The following OTOGL variants were observed in gnomAD, a reference collection of about 807,000 sequenced individuals.
OTOGL encodes the protein otogelin-like protein.
Under a neutral mutation model 318.5 loss-of-function variants are expected in OTOGL, and 285 were observed. The ratio of observed to expected loss-of-function variants is 0.89; its 90% CI spans 0.81 to 0.99. The LOEUF is 0.99. Ranked by LOEUF, OTOGL falls within the 50% of genes least tolerant of loss-of-function variation. The probability of loss-of-function intolerance (pLI) is 0.00; values close to 1 mark genes in which losing one functional copy is unlikely to be tolerated. For synonymous variants in OTOGL, 987 were observed against 936.5 expected, an observed-to-expected ratio of 1.05 and a Z score of -0.99; for missense variants, 2,899 against 2,845.6, an observed-to-expected ratio of 1.02 and a Z score of -0.43.
Position 80,255,496 on chromosome 12 carries a change from T to C in OTOGL, c.1587+311T>C, listed in dbSNP as rs571963320. Among the ~76,000 whole-genome samples, 8 of 152,162 alleles carry C rather than the reference T, an allele frequency of 5.3e-5. No homozygotes were observed. The South Asian group carries it at 1.7e-3, about 31-fold the overall frequency. On this transcript the variant is annotated intron_variant, in intron 16 of 58. Transcript: ENST00000547103. ...TTTAAAAAGTAGTACGTATAGTTTTTTGTACATATAGTTTTGTACGTATAG... is the reference window on the plus strand; with the variant it reads ...TTTAAAAAGTAGTACGTATAGTTTTCTGTACATATAGTTTTGTACGTATAG...
chr12:80,147,790 A>G (rs1872500996), intron 1 of OTOGL, among the ~76,000 whole-genome samples: 1 of 152,112 alleles, frequency 6.6e-6, no homozygotes, highest in Non-Finnish European at 1.5e-5. Context: ...TGTTGAATTG[A>G]TCCCTTTACC....
chr12:80,326,744 T>A (rs540718293), intron 35 of OTOGL, among the ~76,000 whole-genome samples: 2 of 152,352 alleles, frequency 1.3e-5, no homozygotes, highest in African/African-American at 4.8e-5. Context: ...AAGTTGTTTA[T>A]GTTTTTAAAA....
At chr12:80,196,047 C>G (rs1876043670) in intron 1 of OTOGL, among the ~76,000 whole-genome samples, 1 of 152,184 alleles carries the variant, frequency 6.6e-6, no homozygotes, top group Non-Finnish European at 1.5e-5. Flanking sequence ...TTGATTTCAT[C>G]TTTCAAATAT....
intron 19 of OTOGL, among the ~76,000 whole-genome samples, chr12:80,263,080 T>C (rs1351514987): frequency 6.6e-6 from 1 of 152,194 alleles, no homozygotes; most frequent in East Asian, 1.9e-4. Context: ...TTGTGCTTTC[T>C]GTCTTTTTTA....
intron 33 of OTOGL, 145 bp downstream of exon 33, chr12:80,318,858 A>C (rs1887146317): frequency 3.6e-6 from 2 of 553,644 alleles, no homozygotes; most frequent in Admixed American, 8.9e-5. Context: ...TAACATTGGC[A>C]TATCAGCCAG....
rs533953839 is a variant in OTOGL at position 80,313,691 on chromosome 12, T to C, written c.3607+59T>C. On this transcript the variant is annotated intron_variant, in intron 31 of 58. Coordinates refer to ENST00000547103, the MANE Select transcript of OTOGL (RefSeq NM_001378609.3). ...GAACTGATAAAGAGATACATATTAATTGTTGATTTAGCTTAGAAATAATGC... is the reference window on the plus strand; with the variant it reads ...GAACTGATAAAGAGATACATATTAACTGTTGATTTAGCTTAGAAATAATGC... 2.2e-5 allele frequency: 30 copies of C among 1,392,882 alleles called. No individual in the cohort carries two copies. The African/African-American group carries it at 3.7e-4, about 17-fold the overall frequency. The allele number at this position is 1,392,882 out of a possible 1,614,324, so 86.3% of individuals were successfully genotyped here.
At chr12:80,362,414 G>T (rs1194171207) in intron 52 of OTOGL, among the ~76,000 whole-genome samples, 1 of 152,142 alleles carries the variant, frequency 6.6e-6, no homozygotes, top group South Asian at 2.1e-4. Context: ...CAGGTAACAT[G>T]ATGCTGCCAG....
chr12:80,226,245 G>A (rs1023784155), intron 7 of OTOGL, among the ~76,000 whole-genome samples: 5 of 147,116 alleles, frequency 3.4e-5, no homozygotes, highest in African/African-American at 1.3e-4. Context: ...CCTCCTAATA[G>A]AGTTATGTCA....
At chr12:80,204,360 G>C (rs1056533868) in intron 1 of OTOGL, among the ~76,000 whole-genome samples, 1 of 152,120 alleles carries the variant, frequency 6.6e-6, no homozygotes, top group Non-Finnish European at 1.5e-5. Flanking sequence ...AGATTGCCAG[G>C]TGTCTGATTT....
chr12:80,301,947 A>T (rs1412481887), intron 27 of OTOGL, among the ~76,000 whole-genome samples: 1 of 152,230 alleles, frequency 6.6e-6, no homozygotes, highest in African/African-American at 2.4e-5. Context: ...AATGTGCAGC[A>T]GCAAAACTAG....
At chr12:80,346,843 T>C (rs1475699123) in intron 44 of OTOGL, among the ~76,000 whole-genome samples, 4 of 152,112 alleles carry the variant, frequency 2.6e-5, no homozygotes, top group Non-Finnish European at 5.9e-5. Context: ...TAGATGTTAG[T>C]GCTAAGGGAG....
chr12:80,171,410 C>T (rs750576712), intron 1 of OTOGL, among the ~76,000 whole-genome samples: 8 of 152,140 alleles, frequency 5.3e-5, no homozygotes, highest in African/African-American at 1.4e-4. Flanking sequence ...TTGTTTTGCA[C>T]GTGGAAGTCC....
At chr12:80,147,757 T>C (rs1200149327) in intron 1 of OTOGL, among the ~76,000 whole-genome samples, 2 of 152,190 alleles carry the variant, frequency 1.3e-5, no homozygotes, top group African/African-American at 2.4e-5. Flanking sequence ...GGTGCATATA[T>C]ATTTAGGATA....
At chr12:80,278,017 A>G in intron 24 of OTOGL, 151 bp from the exon 25 acceptor site, 1 of 576,542 alleles carries the variant, frequency 1.7e-6, no homozygotes, top group South Asian at 2.7e-5. Flanking sequence ...GCGAGGAGAA[A>G]GACTGGATTC....
intron 1 of OTOGL, among the ~76,000 whole-genome samples, chr12:80,113,070 A>C (rs1869947200): frequency 6.6e-6 from 1 of 152,020 alleles, no homozygotes; most frequent in Non-Finnish European, 1.5e-5. Flanking sequence ...CCCTGATGGT[A>C]GTTTGTATTT....
chr12:80,358,268 C>T lies in OTOGL; in HGVS notation c.6040C>T (p.Pro2014Ser). The T allele has an allele frequency of 3.7e-6, 6 of 1,611,570 alleles. No homozygotes were observed. Among genetic ancestry groups the T allele is most frequent in the Non-Finnish European group, 5.1e-6 (6 of 1,178,426 alleles). Residue 2014 changes from proline to serine, a missense_variant, in exon 50 of 59, where the codon CCT (proline) becomes TCT (serine). Coordinates refer to ENST00000547103, the MANE Select transcript of OTOGL (RefSeq NM_001378609.3). ...PFCVCESCTK[P>S]VPLCHDGEFL... is the part of the protein sequence containing the mutation. ...CTTAGTTTGTGAATCTTGCACCAAA[C>T]CTGTTCCACTATGTCATGATGGGGA...
intron 1 of OTOGL, among the ~76,000 whole-genome samples, chr12:80,119,623 G>T (rs1026236047): frequency 2.9e-4 from 44 of 152,130 alleles, no homozygotes; most frequent in African/African-American, 1.0e-3. Context: ...TCCCATCAGA[G>T]TTAGTGGCCC....
chr12:80,219,717 T>C, intron 5 of OTOGL, 97 bp from the exon 6 acceptor site: 1 of 781,492 alleles, frequency 1.3e-6, no homozygotes, highest in Admixed American at 2.3e-5. Flanking sequence ...TTTAAGTTAA[T>C]AGTGATTACA....
chr12:80,313,414 G>T, intron 30 of OTOGL, 62 bp from the exon 31 acceptor site: 2 of 1,465,562 alleles, frequency 1.4e-6, no homozygotes, highest in Non-Finnish European at 1.9e-6. Context: ...TTTTTAGACG[G>T]TTGACTTTAA....
Sources: gnomAD v4.1 joint callset for allele counts (sites outside exome capture counted in the v4.1 genomes callset) on GRCh38, gnomAD v4.1.1 for gene constraint, MANE v1.5 for transcripts, NCBI Gene and HGNC (gene_info 2026-07-23, HGNC 2026-07-21) for gene names.